Variants in CENPK observed in about 807,000 individuals in gnomAD.
The protein encoded by CENPK is SoxLZ/Sox6-binding protein Solt.
A neutral mutation model predicts 40.9 loss-of-function variants in CENPK; 46 were observed. The ratio of observed to expected loss-of-function variants is 1.13; its 90% CI spans 0.89 to 1.44. The LOEUF (loss-of-function observed/expected upper bound fraction) is 1.44. CENPK is among the 40% of genes most tolerant of loss of function. The pLI, the probability that CENPK is intolerant of heterozygous loss-of-function variation, is 0.00. For synonymous variants in CENPK, 107 were observed against 104.4 expected (o/e 1.02, Z -0.15); for missense variants, 288 against 303.5 (o/e 0.95, Z 0.38).
chr5:65,546,929 A>G (rs1371123023), intron 5 of CENPK, among the ~76,000 whole-genome samples: 2 of 152,204 alleles, frequency 1.3e-5, no homozygotes, highest in Non-Finnish European at 2.9e-5. Flanking sequence ...AGTTATTATT[A>G]TAGATATAAC....
At chr5:65,523,579 C>T (rs1050952678) in intron 9 of CENPK, among the ~76,000 whole-genome samples, 16 of 152,022 alleles carry the variant, frequency 1.1e-4, no homozygotes, top group Admixed American at 7.9e-4. Flanking sequence ...AATGAGCATA[C>T]GATTAGTGGT....
chr5:65,561,189 C>G (rs1751886679), intron 2 of CENPK: 1 of 182,442 alleles, frequency 5.5e-6, no homozygotes, highest in Non-Finnish European at 1.2e-5. Flanking sequence ...GGCTGAAAAT[C>G]TCACCTGCTA....
the CENPK span, among the ~76,000 whole-genome samples, chr5:65,510,818 C>A: frequency 6.6e-6 from 1 of 151,558 alleles, no homozygotes; most frequent in African/African-American, 2.4e-5. Flanking sequence ...TTACGCAATT[C>A]ATTAATTAAT....
In CENPK at chr5:65,547,342, G is replaced by A. The variant is rs1353065629; in HGVS notation, c.241+4222C>T. ...TGGAAGACAGAGCTTGCAGTGAGCC[G>A]AGATTGCACCACTGCACTCCAGCCT... On this transcript the variant is annotated intron_variant, in intron 5 of 10. Transcript: ENST00000396679. Among the ~76,000 whole-genome samples the A allele has an allele frequency of 1.3e-4, 20 of 149,388 alleles. No homozygotes were observed. In the East Asian group the frequency reaches 3.6e-3, roughly 27 times the overall value.
intron 6 of CENPK, among the ~76,000 whole-genome samples, chr5:65,538,705 C>T (rs1352407013): frequency 6.6e-6 from 1 of 152,160 alleles, no homozygotes; most frequent in Non-Finnish European, 1.5e-5. Context: ...AAAATGTTAA[C>T]TTGATCTTTC....
At chr5:65,554,992 T>C in intron 2 of CENPK, 46 bp from the exon 3 acceptor site, 1 of 809,546 alleles carries the variant, frequency 1.2e-6, no homozygotes, top group South Asian at 1.4e-5. Flanking sequence ...GGTTGAACAC[T>C]TATTACCTGC....
intron 10 of CENPK, among the ~76,000 whole-genome samples, 197 bp from the exon 11 acceptor site, chr5:65,518,830 G>C (rs1743184196): frequency 6.6e-6 from 1 of 151,962 alleles, no homozygotes; most frequent in Admixed American, 6.6e-5. Flanking sequence ...GTGAATTTTT[G>C]CATCTTTAAT....
At chr5:65,495,774 A>G in the CENPK span, among the ~76,000 whole-genome samples, 12 of 152,312 alleles carry the variant, frequency 7.9e-5, no homozygotes, top group African/African-American at 2.6e-4. Flanking sequence ...GTAATCTATG[A>G]AAAAAAGTTC....
intron 6 of CENPK, among the ~76,000 whole-genome samples, chr5:65,533,538 T>C (rs1746289995): frequency 6.6e-6 from 1 of 151,996 alleles, no homozygotes; most frequent in Non-Finnish European, 1.5e-5. Context: ...ATTCTTACCG[T>C]TTCTATTCAA....
At chr5:65,515,204 A>AATTTTTTTTTTTTTT (rs35708852), downstream of CENPK, among the ~76,000 whole-genome samples, 98 of 124,054 alleles carry the variant, frequency 7.9e-4, 8 homozygotes, top group African/African-American at 2.2e-3. Context: ...TCTCAAAAAA[A>AATTTTTTTTTTTTTT]TTTTTTTTTT....
chr5:65,532,353 A>G (rs1455370039), intron 6 of CENPK, among the ~76,000 whole-genome samples: 2 of 152,176 alleles, frequency 1.3e-5, no homozygotes, highest in Non-Finnish European at 2.9e-5. Flanking sequence ...AAAAATTACT[A>G]TTCTATACAA....
intron 10 of CENPK, among the ~76,000 whole-genome samples, chr5:65,519,291 CT>C (rs1743274319): frequency 6.6e-6 from 1 of 152,146 alleles, no homozygotes; most frequent in Non-Finnish European, 1.5e-5. Flanking sequence ...GGAAAGCTAG[CT>C]AATGTGGATT....
At chr5:65,503,614 A>G in the CENPK span, among the ~76,000 whole-genome samples, 1 of 151,994 alleles carries the variant, frequency 6.6e-6, no homozygotes, top group Non-Finnish European at 1.5e-5. Context: ...AAAAATATTT[A>G]GAACTTTTTC....
At chr5:65,542,670 A>G in intron 6 of CENPK, 132 bp downstream of exon 6, 3 of 639,680 alleles carry the variant, frequency 4.7e-6, no homozygotes, top group Non-Finnish European at 5.1e-6. Context: ...TGTTCAATAA[A>G]ACATAAATAA....
the CENPK span, among the ~76,000 whole-genome samples, chr5:65,504,343 A>G: frequency 1.9e-4 from 29 of 151,232 alleles, no homozygotes; most frequent in African/African-American, 7.0e-4. Context: ...GTAATCCCAG[A>G]TACTCCGGAG....
chr5:65,528,483 G>A lies in CENPK; in HGVS notation c.566C>T (p.Pro189Leu), dbSNP rs771962047. The part of the protein sequence containing the change: ...TLGEFLEDHF[P>L]LPDRSVKKKK... ...CTTTTTAACACTTCTATCAGGCAGA[G>A]GAAAATGGTCTTCTAGAAACTCGCC... Residue 189 changes from proline to leucine, a missense_variant, in exon 9 of 11, where the codon CCT becomes CTT. By Grantham distance (98) the Pro-to-Leu change is moderately conservative (BLOSUM62 -3). Transcript: ENST00000396679. The A allele has an allele frequency of 3.1e-6, 5 of 1,604,896 alleles. No individual in the cohort carries two copies. The highest frequency in any genetic ancestry group is 3.4e-5 in the Admixed American group (2 of 58,102).
downstream of CENPK, among the ~76,000 whole-genome samples, chr5:65,517,241 C>T (rs968721466): frequency 1.3e-5 from 2 of 152,178 alleles, no homozygotes; most frequent in African/African-American, 4.8e-5. Flanking sequence ...CCGTGTCTGG[C>T]TCAATTACAT....
intron 6 of CENPK, among the ~76,000 whole-genome samples, chr5:65,538,875 T>C (rs1314587404): frequency 6.6e-6 from 1 of 152,204 alleles, no homozygotes; most frequent in Admixed American, 6.5e-5. Flanking sequence ...ACCATCTATA[T>C]TCTGACTTTA....
chr5:65,499,144 G>A, the CENPK span, among the ~76,000 whole-genome samples: 4,992 of 150,588 alleles, frequency 0.033, 280 homozygotes, highest in African/African-American at 0.12. Context: ...CCAAAGTGTT[G>A]GGATTACAGT....
Sources: allele counts gnomAD v4.1 joint callset (sites outside exome capture counted in the v4.1 genomes callset), GRCh38; gene constraint gnomAD v4.1.1; transcripts MANE v1.5; gene names NCBI Gene and HGNC (gene_info 2026-07-23, HGNC 2026-07-21).